The following ADAMTSL1 variants were observed in gnomAD, a reference collection of about 807,000 sequenced individuals.
ADAMTSL1 encodes the protein ADAMTS-like protein 1.
Under a neutral mutation model 201.8 loss-of-function variants are expected in ADAMTSL1, and 126 were observed. The observed-to-expected ratio is 0.62, with a 90% CI of 0.54 to 0.72. The LOEUF (loss-of-function observed/expected upper bound fraction) is 0.72. ADAMTSL1 is among the 30% of genes least tolerant of loss of function. ADAMTSL1 has a pLI of 0.00. For synonymous variants in ADAMTSL1, 1,121 were observed against 903.4 expected, an observed-to-expected ratio of 1.24 and a Z score of -4.32; for missense variants, 2,679 against 2,277.8, an observed-to-expected ratio of 1.18 and a Z score of -3.59.
chr9:18,109,407 T>C (rs954279166), intron 1 of ADAMTSL1, among the ~76,000 whole-genome samples: 4 of 152,098 alleles, frequency 2.6e-5, no homozygotes, highest in Admixed American at 2.6e-4. Context: ...AGTACTTCTG[T>C]GTATCATATG....
intron 26 of ADAMTSL1, among the ~76,000 whole-genome samples, chr9:18,903,653 G>C (rs965833371): frequency 6.6e-6 from 1 of 152,074 alleles, no homozygotes; most frequent in African/African-American, 2.4e-5. Flanking sequence ...CTTCTAAGGG[G>C]GTAGAGACAT....
At chr9:18,340,152 A>T (rs1379447068) in intron 2 of ADAMTSL1, among the ~76,000 whole-genome samples, 3 of 152,120 alleles carry the variant, frequency 2.0e-5, no homozygotes, top group Non-Finnish European at 4.4e-5. Context: ...CTTCCCCAAC[A>T]CCACCTATTC....
intron 2 of ADAMTSL1, among the ~76,000 whole-genome samples, chr9:18,231,027 C>G (rs1362103256): frequency 6.6e-6 from 1 of 152,132 alleles, no homozygotes; most frequent in Non-Finnish European, 1.5e-5. Context: ...CTTTCTTATG[C>G]CTCCTCATCA....
intron 1 of ADAMTSL1, among the ~76,000 whole-genome samples, chr9:18,120,863 C>A (rs1427424111): frequency 2.6e-5 from 4 of 152,046 alleles, no homozygotes; most frequent in Non-Finnish European, 5.9e-5. Context: ...ACTAAATTAC[C>A]TATTATTAAT....
chr9:18,123,031 G>T (rs1049480484), intron 1 of ADAMTSL1, among the ~76,000 whole-genome samples: 1 of 152,118 alleles, frequency 6.6e-6, no homozygotes, highest in African/African-American at 2.4e-5. Context: ...GAGCTACTGT[G>T]CCCAGTCTCA....
chr9:18,823,939 G>A (rs1245517358), intron 21 of ADAMTSL1, among the ~76,000 whole-genome samples: 5 of 152,060 alleles, frequency 3.3e-5, no homozygotes, highest in East Asian at 1.9e-4. Context: ...GCAGTGAGCC[G>A]AGATCATGCC....
intron 2 of ADAMTSL1, among the ~76,000 whole-genome samples, chr9:18,461,966 C>T (rs1820824995): frequency 6.6e-6 from 1 of 152,046 alleles, no homozygotes; most frequent in African/African-American, 2.4e-5. Flanking sequence ...CTAAAACTCA[C>T]ATATGAAAAC....
intron 1 of ADAMTSL1, among the ~76,000 whole-genome samples, chr9:17,976,333 G>A (rs940359884): frequency 1.3e-5 from 2 of 151,860 alleles, no homozygotes; most frequent in African/African-American, 4.8e-5. Flanking sequence ...CAATTTAACA[G>A]TATTAAGTCT....
chr9:18,277,620 A>G (rs7024439), intron 2 of ADAMTSL1, among the ~76,000 whole-genome samples: 90,663 of 151,932 alleles, frequency 0.6, 27,558 homozygotes, highest in South Asian at 0.74. Flanking sequence ...TACCAGTTAC[A>G]TGGGCTGTTT....
chr9:18,081,050 G>A (rs533683061), intron 1 of ADAMTSL1, among the ~76,000 whole-genome samples: 1 of 152,278 alleles, frequency 6.6e-6, no homozygotes, highest in African/African-American at 2.4e-5. Context: ...TACTTATAAA[G>A]ATGACTTGAT....
chr9:18,630,649 T>C (rs1185497204), intron 5 of ADAMTSL1, among the ~76,000 whole-genome samples: 2 of 152,220 alleles, frequency 1.3e-5, no homozygotes, highest in African/African-American at 2.4e-5. Context: ...TTCCTGAGTA[T>C]ACAGAATTGC....
chr9:18,379,948 T>C (rs769353727), intron 2 of ADAMTSL1, among the ~76,000 whole-genome samples: 2 of 152,180 alleles, frequency 1.3e-5, no homozygotes, highest in African/African-American at 2.4e-5. Flanking sequence ...TCCACGGGCA[T>C]AAAGAAATAA....
chr9:18,729,324 G>GA lies in ADAMTSL1; in HGVS notation c.2006+7664dup, dbSNP rs534809448. 1.3e-3 allele frequency among the ~76,000 whole-genome samples: 193 copies of GA among 152,206 alleles called. 1 individual carries two copies. Among genetic ancestry groups the GA allele is most frequent in the African/African-American group, 4.5e-3 (188 of 41,542 alleles). The stretch of plus-strand genomic sequence containing the variant: ...AACAAAGAAGGAACAATTCTAATCA[G>GA]AAAAATACCTTGAGTCAAATTTAAG... On this transcript the variant is annotated intron_variant, in intron 15 of 28. Transcript: ENST00000380548.
intron 1 of ADAMTSL1, among the ~76,000 whole-genome samples, chr9:17,987,172 T>C (rs1314200328): frequency 6.6e-6 from 1 of 152,068 alleles, no homozygotes; most frequent in Non-Finnish European, 1.5e-5. Flanking sequence ...TGTTTTACAT[T>C]TAGGAATCTA....
intron 2 of ADAMTSL1, among the ~76,000 whole-genome samples, chr9:18,299,649 T>C (rs1056250299): frequency 5.3e-5 from 8 of 152,138 alleles, no homozygotes; most frequent in Admixed American, 3.9e-4. Flanking sequence ...TGTAATGGAA[T>C]TGGCTGCAAA....
chr9:18,415,874 A>C (rs1818652124), intron 2 of ADAMTSL1, among the ~76,000 whole-genome samples: 1 of 152,106 alleles, frequency 6.6e-6, no homozygotes, highest in South Asian at 2.1e-4. Flanking sequence ...AACAATATAT[A>C]CAAGAAGAGA....
intron 2 of ADAMTSL1, among the ~76,000 whole-genome samples, chr9:18,390,660 A>G (rs374253304): frequency 3.3e-5 from 5 of 152,328 alleles, no homozygotes; most frequent in African/African-American, 1.2e-4. Flanking sequence ...CAAACTCCCA[A>G]GAAGAACACC....
At chr9:18,497,601 T>G (rs1447160972) in intron 1 of ADAMTSL1, among the ~76,000 whole-genome samples, 1 of 152,224 alleles carries the variant, frequency 6.6e-6, no homozygotes, top group Admixed American at 6.5e-5. Context: ...GTGTTTCCAT[T>G]TGCTAAGTTT....
chr9:18,015,667 A>T (rs1820228054), intron 1 of ADAMTSL1, among the ~76,000 whole-genome samples: 1 of 152,030 alleles, frequency 6.6e-6, no homozygotes, highest in Non-Finnish European at 1.5e-5. Flanking sequence ...TCCTGCGCTT[A>T]TTAAGAGGTA....
Sources: gnomAD v4.1 joint callset for allele counts (sites outside exome capture counted in the v4.1 genomes callset) on GRCh38, gnomAD v4.1.1 for gene constraint, MANE v1.5 for transcripts, NCBI Gene and HGNC (gene_info 2026-07-23, HGNC 2026-07-21) for gene names.